Variants in DST observed in about 807,000 individuals in gnomAD.
DST encodes the protein bullous pemphigoid antigen.
In DST, 253 loss-of-function variants were observed where a neutral mutation model predicts 875.2. The ratio of observed to expected loss-of-function variants is 0.29; its 90% confidence interval spans 0.26 to 0.32. DST has a LOEUF of 0.32. Ranked by LOEUF, DST falls within the 10% of genes least tolerant of loss-of-function variation. The probability of loss-of-function intolerance (pLI) is 1.00; values close to 1 mark genes in which losing one functional copy is unlikely to be tolerated. For missense variants in DST, 8,287 were observed against 9,111.6 expected, an observed-to-expected ratio of 0.91 and a Z score of 3.68; for synonymous variants, 3,124 against 3,197.1, an observed-to-expected ratio of 0.98 and a Z score of 0.77.
intron 4 of DST, among the ~76,000 whole-genome samples, chr6:56,807,346 C>G (rs974248972): frequency 6.6e-6 from 1 of 152,132 alleles, no homozygotes; most frequent in Non-Finnish European, 1.5e-5. Flanking sequence ...TCTTTAGACT[C>G]AACACAATTA....
chr6:56,637,981 A>AT (rs1243828516), intron 22 of DST, among the ~76,000 whole-genome samples: 1 of 152,152 alleles, frequency 6.6e-6, no homozygotes, highest in Non-Finnish European at 1.5e-5. Flanking sequence ...TATTTTTTTC[A>AT]TATAAAATAT....
Position 56,754,850 on chromosome 6 carries a change from T to C in DST, c.626-19561A>G, listed in dbSNP as rs528938515. ...TTTAAATTAAACATATGTTCTTTAG[T>C]TCATAAGTCCTGAATAATTTCAGTT... On this transcript the variant is annotated intron_variant, in intron 4 of 103. Transcript: ENST00000680361. Among the ~76,000 whole-genome samples the C allele has an allele frequency of 1.6e-4, 25 of 152,260 alleles. No individual in the cohort carries two copies. In the South Asian group the frequency reaches 4.6e-3, roughly 28 times the overall value.
In DST at chr6:56,498,210, G is replaced by C. The variant is rs9475708; in HGVS notation, c.19897-157C>G. 0.011 allele frequency among the ~76,000 whole-genome samples: 1,609 copies of C among 152,156 alleles called. 33 individuals are homozygous for C. The highest frequency in any genetic ancestry group is 0.037 in the African/African-American group (1,533 of 41,512). ...TTTTAAAGAGATGGGGTCTTACTCT[G>C]TGGCCCAGGCTGCAGTGTAGTGGTT... On this transcript the variant is annotated intron_variant, in intron 80 of 103. Transcript: ENST00000680361.
chr6:56,487,359 A>G (rs1194599579), intron 86 of DST, 86 bp from the exon 87 acceptor site: 5 of 1,170,688 alleles, frequency 4.3e-6, no homozygotes, highest in Admixed American at 5.5e-5. Flanking sequence ...TCCCTAATAA[A>G]TGGAGATGAA....
In DST at chr6:56,911,134, C is replaced by T. The variant is rs575448573; in HGVS notation, c.217-10513G>A. The stretch of plus-strand genomic sequence containing the variant: ...TAGGCTGTGTCTATCAGAGTTTTTG[C>T]TTTGAGAGTCTGAGAAAAACTGAGA... On this transcript the variant is annotated intron_variant, in intron 2 of 103. Coordinates refer to ENST00000680361, the MANE Select transcript of DST (RefSeq NM_001374736.1). 1.9e-3 allele frequency among the ~76,000 whole-genome samples: 285 copies of T among 152,196 alleles called. 1 individual carries two copies. The highest frequency in any genetic ancestry group is 3.2e-3 in the Non-Finnish European group (215 of 68,006).
At chr6:56,500,286 G>A (rs2096075415) in intron 80 of DST, among the ~76,000 whole-genome samples, 1 of 152,082 alleles carries the variant, frequency 6.6e-6, no homozygotes, top group South Asian at 2.1e-4. Context: ...ATGAAAGATT[G>A]TTGAATGCCA....
At chr6:56,871,821 T>G in intron 3 of DST, 1 of 310,092 alleles carries the variant, frequency 3.2e-6, no homozygotes. Context: ...TGTGGCATCA[T>G]TAACAATCAG....
At chr6:56,459,947 T>G (rs574988645) in intron 103 of DST, among the ~76,000 whole-genome samples, 184 bp downstream of exon 103, 1 of 152,278 alleles carries the variant, frequency 6.6e-6, no homozygotes, top group Admixed American at 6.5e-5. Flanking sequence ...TCTTGGACAC[T>G]TTTAGACACT....
intron 47 of DST, among the ~76,000 whole-genome samples, chr6:56,596,915 G>A (rs1204717468): frequency 1.3e-5 from 2 of 152,196 alleles, no homozygotes; most frequent in African/African-American, 4.8e-5. Context: ...AGCCTTAACT[G>A]AATAGGTGAG....
Position 56,555,372 on chromosome 6 carries a change from ATT to A in DST, c.15107_15108del (p.Lys5036IlefsTer3). 1 of 1,598,800 alleles carries A rather than the reference ATT, an allele frequency of 6.3e-7. No individual in the cohort carries two copies. The highest frequency in any genetic ancestry group is 8.5e-7 in the Non-Finnish European group (1 of 1,172,168). On this transcript the variant is annotated frameshift_variant, in exon 60 of 104. Coordinates refer to ENST00000680361, the MANE Select transcript of DST (RefSeq NM_001374736.1). LOFTEE classifies it high-confidence loss of function. ...ELSRQLEGIL[K>X]SFKDVEQKAE... ...GCTTTCTGTTCAACATCCTTAAATG[ATT>A]TTAAGATGCCTTCTAGTTGCCTACT...
At chr6:56,579,351 A>G (rs1357820958) in intron 49 of DST, among the ~76,000 whole-genome samples, 2 of 152,218 alleles carry the variant, frequency 1.3e-5, no homozygotes, top group Admixed American at 6.5e-5. Context: ...CGCCCAAATC[A>G]GTAGATCCTG....
chr6:56,762,844 CTTTTTTTTTTTT>C (rs869153143), intron 4 of DST, among the ~76,000 whole-genome samples: 22 of 111,898 alleles, frequency 2.0e-4, no homozygotes, highest in African/African-American at 7.9e-4. Flanking sequence ...AGAACACCAC[CTTTTTTTTTTTT>C]TTTTTTTTTT....
At chr6:56,944,207 A>T (rs1357862308) in intron 2 of DST, among the ~76,000 whole-genome samples, 2 of 152,236 alleles carry the variant, frequency 1.3e-5, no homozygotes, top group Non-Finnish European at 2.9e-5. Context: ...TGGGGAAGTT[A>T]GCAAATTCAT....
At chr6:56,766,443 G>T (rs1306298580) in intron 4 of DST, among the ~76,000 whole-genome samples, 3 of 152,056 alleles carry the variant, frequency 2.0e-5, no homozygotes, top group Non-Finnish European at 4.4e-5. Context: ...CATGTTGTTT[G>T]GGAAGATAGC....
intron 61 of DST, among the ~76,000 whole-genome samples, chr6:56,543,167 T>G (rs1408881592): frequency 1.3e-5 from 2 of 152,226 alleles, no homozygotes; most frequent in East Asian, 3.8e-4. Context: ...CCGCACTCAT[T>G]TGAATACTAA....
At chr6:56,486,138 C>T (rs1040894183) in intron 87 of DST, among the ~76,000 whole-genome samples, 13 of 151,798 alleles carry the variant, frequency 8.6e-5, no homozygotes, top group Non-Finnish European at 1.6e-4. Context: ...CCGAGGCGGG[C>T]GGATCACGAG....
At chr6:56,596,020 TTTAC>T (rs766800829) in intron 47 of DST, among the ~76,000 whole-genome samples, 2,701 of 151,278 alleles carry the variant, frequency 0.018, 90 homozygotes, top group African/African-American at 0.062. Context: ...TATTTATTTA[TTTAC>T]TTATTTATTT....
At chr6:56,912,960 T>A (rs1267735684) in intron 2 of DST, among the ~76,000 whole-genome samples, 1 of 152,230 alleles carries the variant, frequency 6.6e-6, no homozygotes, top group African/African-American at 2.4e-5. Flanking sequence ...ACAGAGCTGG[T>A]GGCAAAATCA....
intron 2 of DST, among the ~76,000 whole-genome samples, chr6:56,929,724 A>C (rs529716795): frequency 6.6e-6 from 1 of 152,320 alleles, no homozygotes; most frequent in African/African-American, 2.4e-5. Context: ...TAAATTTTTA[A>C]TCCCCCAATT....
Sources: allele counts gnomAD v4.1 joint callset (sites outside exome capture counted in the v4.1 genomes callset), GRCh38; gene constraint gnomAD v4.1.1; transcripts MANE v1.5; gene names NCBI Gene and HGNC (gene_info 2026-07-23, HGNC 2026-07-21).